Variants in PCGF5 observed in about 807,000 individuals in gnomAD.
The protein encoded by PCGF5 is polycomb group ring finger 5, also known as polycomb group RING finger protein 5.
Under a neutral mutation model 44.3 loss-of-function variants are expected in PCGF5, and 9 were observed. The observed-to-expected ratio is 0.20, with a 90% CI of 0.12 to 0.35. PCGF5 has a LOEUF of 0.35. Ranked by LOEUF, PCGF5 falls within the 10% of genes least tolerant of loss-of-function variation. The probability of loss-of-function intolerance (pLI) is 1.00; values close to 1 mark genes in which losing one functional copy is unlikely to be tolerated. For missense variants in PCGF5, 146 were observed against 305.3 expected, an observed-to-expected ratio of 0.48 and a Z score of 3.89; for synonymous variants, 95 against 102.5, an observed-to-expected ratio of 0.93 and a Z score of 0.44.
chr10:91,239,994 A>G (rs1355864457), intron 2 of PCGF5, among the ~76,000 whole-genome samples: 1 of 152,164 alleles, frequency 6.6e-6, no homozygotes, highest in Non-Finnish European at 1.5e-5. Flanking sequence ...AAGGCCAGCA[A>G]AGTCCATTGT....
chr10:91,241,557 A>G (rs1399709406), intron 3 of PCGF5, among the ~76,000 whole-genome samples: 1 of 152,080 alleles, frequency 6.6e-6, no homozygotes, highest in African/African-American at 2.4e-5. Flanking sequence ...TGTTCCCACC[A>G]TAGCTCTAAG....
At position 91,170,078 on chromosome 10, in the gene PCGF5, A is replaced by G. The variant is rs576205559; in HGVS notation, c.-184+6997A>G. Among the ~76,000 whole-genome samples, 33 of 152,338 alleles carry G rather than the reference A, an allele frequency of 2.2e-4. No homozygotes were observed. The South Asian group carries it at 6.8e-3, about 32-fold the overall frequency. ...AACAACTGGACATCCATATGCAAAA[A>G]AAGAAAAAAGTTAATCTAGACACAG... On this transcript the variant is annotated intron_variant, in intron 1 of 9. Transcript: ENST00000614189.
chr10:91,277,910 C>G (rs551341422), intron 9 of PCGF5, among the ~76,000 whole-genome samples: 1 of 151,926 alleles, frequency 6.6e-6, no homozygotes, highest in Non-Finnish European at 1.5e-5. Flanking sequence ...CTGTCTTGTT[C>G]GCCTCCTAGG....
Position 91,203,979 on chromosome 10 carries a change from T to G in PCGF5, c.-183-18710T>G, listed in dbSNP as rs530892794. Among the ~76,000 whole-genome samples the G allele has an allele frequency of 6.6e-5, 10 of 152,312 alleles. No individual in the cohort carries two copies. In the South Asian group the frequency reaches 1.5e-3, roughly 22 times the overall value. On this transcript the variant is annotated intron_variant, in intron 1 of 9. Transcript: ENST00000614189. The stretch of plus-strand genomic sequence containing the variant: ...CTTTTATGCAGTTTTCATAAGTGAT[T>G]GTACAACTATTTGATGTTTATTGTT...
At chr10:91,215,172 T>C (rs1172179504), upstream of PCGF5, among the ~76,000 whole-genome samples, 2 of 152,222 alleles carry the variant, frequency 1.3e-5, no homozygotes, top group African/African-American at 4.8e-5. Context: ...CTTGACAAAA[T>C]TTGCTTTTTA....
At chr10:91,214,624 G>A (rs566422102) in intron 1 of PCGF5, among the ~76,000 whole-genome samples, 11 of 152,322 alleles carry the variant, frequency 7.2e-5, no homozygotes, top group Non-Finnish European at 1.0e-4. Context: ...CCAGTTGACC[G>A]GGATAGCATG....
intron 9 of PCGF5, among the ~76,000 whole-genome samples, chr10:91,276,134 A>G (rs966647094): frequency 7.9e-5 from 12 of 151,354 alleles, no homozygotes; most frequent in Non-Finnish European, 1.5e-5. Flanking sequence ...AGATAAAATG[A>G]GTAGAGGAAT....
chr10:91,236,126 A>AT (rs1429858677), intron 2 of PCGF5, among the ~76,000 whole-genome samples: 4 of 152,216 alleles, frequency 2.6e-5, no homozygotes, highest in Non-Finnish European at 4.4e-5. Context: ...TGAATTTTTG[A>AT]TTTTGATGCC....
intron 8 of PCGF5, among the ~76,000 whole-genome samples, chr10:91,270,067 C>T (rs1038096031): frequency 5.3e-5 from 8 of 152,130 alleles, no homozygotes; most frequent in South Asian, 2.1e-4. Context: ...TGCATATTAA[C>T]GTTTATTATG....
intron 1 of PCGF5, among the ~76,000 whole-genome samples, chr10:91,198,550 C>A (rs1844188396): frequency 6.6e-6 from 1 of 152,198 alleles, no homozygotes; most frequent in Admixed American, 6.5e-5. Flanking sequence ...TGACCATTGG[C>A]AAAGCAGCAT....
At chr10:91,235,268 C>T (rs1369877407) in intron 2 of PCGF5, among the ~76,000 whole-genome samples, 1 of 152,012 alleles carries the variant, frequency 6.6e-6, no homozygotes, top group Non-Finnish European at 1.5e-5. Context: ...ATCATGATGC[C>T]CATTTAAATT....
rs572751560 is a variant in PCGF5, at chr10:91,274,511, A to G, written c.723+2814A>G. Among the ~76,000 whole-genome samples the G allele has an allele frequency of 2.0e-5, 3 of 152,362 alleles. No homozygotes were observed. In the East Asian group the frequency reaches 5.8e-4, roughly 29 times the overall value. On this transcript the variant is annotated intron_variant, in intron 9 of 9. Coordinates refer to ENST00000336126, the MANE Select transcript of PCGF5 (RefSeq NM_032373.5). The stretch of plus-strand genomic sequence containing the variant: ...AACAAATACCTATTGAGTATTATGC[A>G]TTGGGCAGTCTTCTAGGCCTTCGAG...
At chr10:91,215,553 T>C (rs1193124134), upstream of PCGF5, among the ~76,000 whole-genome samples, 1 of 152,264 alleles carries the variant, frequency 6.6e-6, no homozygotes, top group Non-Finnish European at 1.5e-5. Flanking sequence ...TGCCCTCTTT[T>C]GCTGAGTTTG....
chr10:91,185,050 T>C (rs1263321103), intron 1 of PCGF5, among the ~76,000 whole-genome samples: 1 of 152,218 alleles, frequency 6.6e-6, no homozygotes, highest in African/African-American at 2.4e-5. Context: ...AGCTGTACTG[T>C]GCTAGGGGTA....
chr10:91,275,607 ATTTT>A (rs72439811), intron 9 of PCGF5, among the ~76,000 whole-genome samples: 8 of 128,886 alleles, frequency 6.2e-5, no homozygotes, highest in Non-Finnish European at 8.0e-5. Flanking sequence ...TGCCCGGCTA[ATTTT>A]TTTTTTTTTT....
intron 2 of PCGF5, among the ~76,000 whole-genome samples, chr10:91,225,466 T>C (rs1365094256): frequency 2.0e-5 from 3 of 151,508 alleles, no homozygotes. Context: ...GTGATTTAAA[T>C]ACAATGGTAA....
intron 1 of PCGF5, among the ~76,000 whole-genome samples, chr10:91,215,091 A>G (rs571692451): frequency 6.6e-6 from 1 of 152,364 alleles, no homozygotes; most frequent in African/African-American, 2.4e-5. Context: ...TACTTGTAAT[A>G]AGCATCACCC....
At chr10:91,233,594 TAAAAC>T (rs1464777353) in intron 2 of PCGF5, among the ~76,000 whole-genome samples, 2 of 152,064 alleles carry the variant, frequency 1.3e-5, no homozygotes, top group Non-Finnish European at 2.9e-5. Context: ...ATTATACAAA[TAAAAC>T]AAGAAGATGC....
At chr10:91,164,756 C>T (rs1843467551) in intron 1 of PCGF5, among the ~76,000 whole-genome samples, 1 of 152,230 alleles carries the variant, frequency 6.6e-6, no homozygotes, top group African/African-American at 2.4e-5. Flanking sequence ...TCACCTCAAA[C>T]GGCATCTACT....
Sources: allele counts gnomAD v4.1 joint callset (sites outside exome capture counted in the v4.1 genomes callset), GRCh38; gene constraint gnomAD v4.1.1; transcripts MANE v1.5; gene names NCBI Gene and HGNC (gene_info 2026-07-23, HGNC 2026-07-21).